DBP: variants seen among roughly 807,000 people sequenced by gnomAD.
The protein encoded by DBP is D site-binding protein.
In DBP, 12 loss-of-function variants were observed where a neutral mutation model predicts 21.4. That is an observed-to-expected ratio of 0.56 (90% CI 0.36 to 0.91). DBP has a LOEUF of 0.91. DBP is among the 40% of genes least tolerant of loss of function. The probability of loss-of-function intolerance (pLI) is 0.01; values close to 1 mark genes in which losing one functional copy is unlikely to be tolerated. For synonymous variants in DBP, 213 were observed against 224.9 expected (o/e 0.95, Z 0.47); for missense variants, 423 against 473.4 (o/e 0.89, Z 0.99).
At chr19:48,635,530 T>A in intron 2 of DBP, 50 bp downstream of exon 2, 1 of 1,457,826 alleles carries the variant, frequency 6.9e-7, no homozygotes, top group Non-Finnish European at 9.1e-7. Context: ...CCCCGCCCCC[T>A]GAGTCCAAGC....
chr19:48,635,641 G>GC lies in DBP; in HGVS notation c.488dup (p.Ser164LeufsTer43). On this transcript the variant is annotated frameshift_variant, in exon 2 of 4. Coordinates refer to ENST00000222122, the MANE Select transcript of DBP (RefSeq NM_001352.5). LOFTEE classifies it high-confidence loss of function. Reference sequence around the variant, plus strand: ...GGGCGGGGGCGTGCCCAGGAGAGGAGCGGGGGGAAGCCGAGCCGCACGAAC... The same window carrying GC: ...GGGCGGGGGCGTGCCCAGGAGAGGAGCCGGGGGGAAGCCGAGCCGCACGAAC... 1 of 1,319,322 alleles carries GC rather than the reference G, an allele frequency of 7.6e-7. No homozygotes were observed. Among genetic ancestry groups the GC allele is most frequent in the Non-Finnish European group, 9.6e-7 (1 of 1,041,876 alleles). 81.7% of individuals were successfully genotyped at this position (1,319,322 alleles called of 1,614,324 possible). A position where few individuals can be genotyped will look rare whatever the true frequency, so the allele number is the denominator to read the frequency against.
intron 3 of DBP, chr19:48,631,307 C>T (rs1454322469): frequency 1.3e-5 from 7 of 533,654 alleles, no homozygotes; most frequent in Non-Finnish European, 2.0e-5. Flanking sequence ...CAGCCCTCCC[C>T]ACATGATAAA....
In DBP at chr19:48,633,649, G is replaced by A. The variant is rs564414612; in HGVS notation, c.557C>T (p.Thr186Ile). 79 of 1,613,940 alleles carry A rather than the reference G, an allele frequency of 4.9e-5. No individual in the cohort carries two copies. The East Asian group carries it at 5.6e-4, about 11-fold the overall frequency. The change falls in exon 3 of 4, where the codon ACC becomes ATC. Residue 186 changes from threonine to isoleucine, a missense_variant. Physicochemically the swap from Thr to Ile is moderately conservative, Grantham distance 89. This residue lies in a region of DBP where 77 missense variants were observed against 97.1 expected (regional missense o/e 0.79). Coordinates refer to ENST00000222122, the MANE Select transcript of DBP (RefSeq NM_001352.5). Reference sequence around the variant, plus strand: ...CACAGGGCTGGGTGTGTCCCGAGAGGTCAGGCCTTGGGGAAACAGCACGTG... The same window carrying A: ...CACAGGGCTGGGTGTGTCCCGAGAGATCAGGCCTTGGGGAAACAGCACGTG... Reference protein sequence around the residue: ...GTASGHRAGLTSRDTPSPVDP... With the variant: ...GTASGHRAGLISRDTPSPVDP...
rs572339463 is a variant in DBP, at chr19:48,633,414, A to G, written c.762+30T>C. Reference sequence around the variant, plus strand: ...TGGCTGTGGGGCATGTCTCCAGCCAAGTCTATCTCCCACATCCAGCTCTGC... The same window carrying G: ...TGGCTGTGGGGCATGTCTCCAGCCAGGTCTATCTCCCACATCCAGCTCTGC... On this transcript the variant is annotated intron_variant, in intron 3 of 3. Coordinates refer to ENST00000222122, the MANE Select transcript of DBP (RefSeq NM_001352.5). 2.1e-4 allele frequency: 345 copies of G among 1,609,546 alleles called. 5 individuals are homozygous for G. In the South Asian group the frequency reaches 2.8e-3, roughly 13 times the overall value.
intron 3 of DBP, chr19:48,632,247 C>T (rs2030624460): frequency 6.6e-6 from 1 of 152,054 alleles, no homozygotes; most frequent in African/African-American, 2.4e-5. Flanking sequence ...AGCGATTTTC[C>T]TACATTAGCC....
intron 2 of DBP, 22 bp downstream of exon 2, chr19:48,635,558 C>A: frequency 7.1e-7 from 1 of 1,406,336 alleles, no homozygotes; most frequent in Non-Finnish European, 9.2e-7. Context: ...CGTCAGGACC[C>A]GCCCCGCCCC....
In DBP at chr19:48,630,153, C is replaced by G; in HGVS notation, c.*684G>C. 1.6e-6 allele frequency: 2 copies of G among 1,245,982 alleles called. No individual in the cohort carries two copies. Among genetic ancestry groups the G allele is most frequent in the Non-Finnish European group, 2.0e-6 (2 of 992,698 alleles). The allele number at this position is 1,245,982 out of a possible 1,614,324, so 77.2% of individuals were successfully genotyped here. On this transcript the variant is annotated 3_prime_UTR_variant, in exon 4 of 4. Transcript: ENST00000222122. The surrounding 1 kb of genome is among the most constrained non-coding windows in gnomAD (Gnocchi z 4.9). ...CCTGGAATGTACTGGCTGGGGTAGG[C>G]CTCAGTGAGTCGGCCGGTCAGGGCC...
Position 48,636,968 on chromosome 19 carries a change from G to C in DBP, c.27C>G (p.Thr9=). 1 of 1,527,134 alleles carries C rather than the reference G, an allele frequency of 6.5e-7. No homozygotes were observed. The highest frequency in any genetic ancestry group is 8.8e-7 in the Non-Finnish European group (1 of 1,139,424). 94.6% of individuals were successfully genotyped at this position (1,527,134 alleles called of 1,614,324 possible). ...GGCCGCCCAGCAGCAGAGGGGCCGGGGTCCTGTCGCTCACAGGCCGCGCCA... is the reference window on the plus strand; with the variant it reads ...GGCCGCCCAGCAGCAGAGGGGCCGGCGTCCTGTCGCTCACAGGCCGCGCCA... MARPVSDR[T]PAPLLLGGPA... The change falls in exon 1 of 4, where the codon ACC becomes ACG. Residue 9 remains threonine (T), a synonymous_variant. Transcript: ENST00000222122.
chr19:48,631,132 G>A (rs1568438659), intron 3 of DBP, 80 bp from the exon 4 acceptor site: 3 of 1,300,416 alleles, frequency 2.3e-6, no homozygotes, highest in East Asian at 4.9e-5. Flanking sequence ...CCCAGCAGCG[G>A]GGCCTAAACC....
chr19:48,633,577 G>A lies in DBP; in HGVS notation c.629C>T (p.Ala210Val). The change falls in exon 3 of 4, where the codon GCT becomes GTT. Residue 210 changes from alanine (A) to valine (V), a missense_variant. Coordinates refer to ENST00000222122, the MANE Select transcript of DBP (RefSeq NM_001352.5). ...EVLMTFEPDP[A>V]DLALSSIPGH... The stretch of plus-strand genomic sequence containing the variant: ...AGGAATGCTTGATAGGGCAAGATCA[G>A]CTGGGTCGGGTTCAAAGGTCATCAA... The A allele has an allele frequency of 6.2e-7, 1 of 1,614,236 alleles. No individual in the cohort carries two copies. The highest frequency in any genetic ancestry group is 1.3e-5 in the African/African-American group (1 of 75,058).
chr19:48,630,436 C>T lies in DBP; in HGVS notation c.*401G>A. On this transcript the variant is annotated 3_prime_UTR_variant, in exon 4 of 4. Coordinates refer to ENST00000222122, the MANE Select transcript of DBP (RefSeq NM_001352.5). This position sits in a 1 kb window ranked among gnomAD's most constrained non-coding sequence, Gnocchi z 4.9. The stretch of plus-strand genomic sequence containing the variant: ...TCTGCCCTTCCTCCATCCGACAGCC[C>T]GCGGGAGGACTCAGACTCCAGCACT... The T allele has an allele frequency of 7.0e-7, 1 of 1,434,312 alleles. No homozygotes were observed. Among genetic ancestry groups the T allele is most frequent in the Non-Finnish European group, 9.1e-7 (1 of 1,097,476 alleles). The allele number at this position is 1,434,312 out of a possible 1,614,324, so 88.8% of individuals were successfully genotyped here.
Position 48,637,090 on chromosome 19 carries a change from GC to G in DBP, c.-97del. The G allele has an allele frequency of 8.4e-7, 1 of 1,192,402 alleles. No homozygotes were observed. Among genetic ancestry groups the G allele is most frequent in the Non-Finnish European group, 1.1e-6 (1 of 889,072 alleles). The allele number at this position is 1,192,402 out of a possible 1,614,324, so 73.9% of individuals were successfully genotyped here. The stretch of plus-strand genomic sequence containing the variant: ...ACTCCAGTGGTTTGGACGAGTGTCT[GC>G]CCAGGGGCGGGCGAGTGTAGCCTGC... On this transcript the variant is annotated 5_prime_UTR_variant, in exon 1 of 4. Coordinates refer to ENST00000222122, the MANE Select transcript of DBP (RefSeq NM_001352.5).
intron 2 of DBP, chr19:48,635,317 C>G: frequency 7.8e-7 from 1 of 1,277,768 alleles, no homozygotes; most frequent in Non-Finnish European, 1.0e-6. Context: ...GTCCCCAAGT[C>G]CCACAGAAAA....
chr19:48,630,604 G>A lies in DBP; in HGVS notation c.*233C>T, dbSNP rs1163467166. Reference sequence around the variant, plus strand: ...ATTCAGGATCGTGTTAACGGAGGCGGTGGGAGGATAGGGTCCCTGACGTGC... The same window carrying A: ...ATTCAGGATCGTGTTAACGGAGGCGATGGGAGGATAGGGTCCCTGACGTGC... On this transcript the variant is annotated 3_prime_UTR_variant, in exon 4 of 4. Coordinates refer to ENST00000222122, the MANE Select transcript of DBP (RefSeq NM_001352.5). The surrounding 1 kb of genome is among the most constrained non-coding windows in gnomAD (Gnocchi z 4.9). 2.6e-6 allele frequency: 4 copies of A among 1,528,206 alleles called. No homozygotes were observed. The East Asian group carries it at 7.3e-5, about 28-fold the overall frequency. The allele number at this position is 1,528,206 out of a possible 1,614,324, so 94.7% of individuals were successfully genotyped here.
In DBP at chr19:48,635,999, C is replaced by G; in HGVS notation, c.140-9G>C. On this transcript the variant is annotated splice_polypyrimidine_tract_variant and intron_variant, in intron 1 of 3. Transcript: ENST00000222122. ...CTTTTCCTTCAGGAGACCTGCGGGC[C>G]GGGAAAGACGGGTTGGGATGAGGGT... is the stretch of plus-strand genomic sequence containing the variant. The G allele has an allele frequency of 2.7e-6, 4 of 1,499,818 alleles. No individual in the cohort carries two copies. The highest frequency in any genetic ancestry group is 2.7e-6 in the Non-Finnish European group (3 of 1,130,622). 92.9% of individuals were successfully genotyped at this position (1,499,818 alleles called of 1,614,324 possible). A position where few individuals can be genotyped will look rare whatever the true frequency, so the allele number is the denominator to read the frequency against.
intron 3 of DBP, chr19:48,632,687 T>C (rs1159917812): frequency 6.6e-6 from 1 of 152,264 alleles, no homozygotes; most frequent in Non-Finnish European, 1.5e-5. Flanking sequence ...AATCAGAAAG[T>C]GGCACTGGCT....
At chr19:48,634,921 A>G (rs2030728700) in intron 2 of DBP, 1 of 985,566 alleles carries the variant, frequency 1.0e-6, no homozygotes, top group Non-Finnish European at 1.2e-6. Flanking sequence ...GGCCTCCTGG[A>G]CCTTCCCAGA....
At position 48,630,364 on chromosome 19, in the gene DBP, G is replaced by T. The variant is rs117309075; in HGVS notation, c.*473C>A. On this transcript the variant is annotated 3_prime_UTR_variant, in exon 4 of 4. Coordinates refer to ENST00000222122, the MANE Select transcript of DBP (RefSeq NM_001352.5). This position sits in a 1 kb window ranked among gnomAD's most constrained non-coding sequence, Gnocchi z 4.9. ...TCCGTCCCCAATCTAAAAAGCAATT[G>T]AAAAGGTCTATGCAATAAAGGCAGT... 2 of 1,317,728 alleles carry T rather than the reference G, an allele frequency of 1.5e-6. No homozygotes were observed. The highest frequency in any genetic ancestry group is 2.9e-5 in the East Asian group (1 of 34,036). 81.6% of individuals were successfully genotyped at this position (1,317,728 alleles called of 1,614,324 possible). A position where few individuals can be genotyped will look rare whatever the true frequency, so the allele number is the denominator to read the frequency against.
rs2030538182 is a variant in DBP, at chr19:48,630,685, T to C, written c.*152A>G. 1.4e-6 allele frequency: 2 copies of C among 1,426,010 alleles called. No individual in the cohort carries two copies. The highest frequency in any genetic ancestry group is 1.8e-6 in the Non-Finnish European group (2 of 1,082,846). 88.3% of individuals were successfully genotyped at this position (1,426,010 alleles called of 1,614,324 possible). On this transcript the variant is annotated 3_prime_UTR_variant, in exon 4 of 4. Coordinates refer to ENST00000222122, the MANE Select transcript of DBP (RefSeq NM_001352.5). The surrounding 1 kb of genome is among the most constrained non-coding windows in gnomAD (Gnocchi z 4.9). Reference sequence around the variant, plus strand: ...CCCGCAAGGGAGGGGGGAGGCTCGCTTTTTCTTAAAAATATAAATGTATTT... The same window carrying C: ...CCCGCAAGGGAGGGGGGAGGCTCGCCTTTTCTTAAAAATATAAATGTATTT...
Sources: gnomAD v4.1 joint callset for allele counts on GRCh38, gnomAD v4.1.1 for gene constraint, gnomAD v4.1.1 regional missense constraint, Gnocchi (gnomAD v3.1) non-coding constraint, MANE v1.5 for transcripts, NCBI Gene and HGNC (gene_info 2026-07-23, HGNC 2026-07-21) for gene names.